The following BCL2L1 variants were observed in gnomAD, a reference collection of about 807,000 sequenced individuals.
BCL2L1 encodes BCL2 like 1, also known as bcl-2-like protein 1.
A neutral mutation model predicts 18.7 loss-of-function variants in BCL2L1; 1 was observed. The observed-to-expected ratio is 0.05, with a 90% CI of 0.02 to 0.25. The LOEUF (loss-of-function observed/expected upper bound fraction) is 0.25. Ranked by LOEUF, BCL2L1 falls within the 10% of genes least tolerant of loss-of-function variation. BCL2L1 has a pLI of 1.00. For missense variants in BCL2L1, 207 were observed against 304.9 expected (o/e 0.68, Z 2.39); for synonymous variants, 103 against 122.7 (o/e 0.84, Z 1.06).
rs142039052 is a variant in BCL2L1 at position 31,700,652 on chromosome 20, C to G, written c.564+21003G>C. On this transcript the variant is annotated intron_variant, in intron 2 of 2. Coordinates refer to ENST00000307677, the MANE Select transcript of BCL2L1 (RefSeq NM_138578.3). ...TGGGAGCTACAGCCCCTCTTTTCTC[C>G]GCTTTGTGGTAAGGCTCGGTGTAAA... Among the ~76,000 whole-genome samples the G allele has an allele frequency of 8.8e-3, 1,333 of 152,330 alleles. 9 individuals are homozygous for G. The highest frequency in any genetic ancestry group is 0.017 in the Admixed American group (255 of 15,304).
intron 2 of BCL2L1, among the ~76,000 whole-genome samples, chr20:31,690,906 T>C (rs2061056168): frequency 6.6e-6 from 1 of 152,018 alleles, no homozygotes; most frequent in African/African-American, 2.4e-5. Flanking sequence ...CCCAGCACTT[T>C]GGGAGGCCGA....
intron 2 of BCL2L1, among the ~76,000 whole-genome samples, chr20:31,700,050 T>C (rs2061249755): frequency 6.6e-6 from 1 of 152,240 alleles, no homozygotes; most frequent in Non-Finnish European, 1.5e-5. Context: ...TTTCATTTTC[T>C]GTACAGCATT....
chr20:31,720,813 G>T (rs1234647124), intron 2 of BCL2L1: 1 of 985,282 alleles, frequency 1.0e-6, no homozygotes, highest in Non-Finnish European at 1.2e-6. Context: ...GTCCCACAGA[G>T]CCCCAAAGAC....
chr20:31,718,323 T>C (rs2061571222), intron 2 of BCL2L1, among the ~76,000 whole-genome samples: 1 of 152,180 alleles, frequency 6.6e-6, no homozygotes, highest in African/African-American at 2.4e-5. Context: ...CACACCACTG[T>C]CATCTATTGG....
At chr20:31,702,505 C>T (rs1360060848) in intron 2 of BCL2L1, among the ~76,000 whole-genome samples, 2 of 151,794 alleles carry the variant, frequency 1.3e-5, no homozygotes, top group Non-Finnish European at 2.9e-5. Context: ...ATGGCAGGTG[C>T]CTTTATTTTT....
intron 2 of BCL2L1, among the ~76,000 whole-genome samples, chr20:31,681,492 T>C (rs1341319002): frequency 6.6e-6 from 1 of 151,998 alleles, no homozygotes; most frequent in Non-Finnish European, 1.5e-5. Context: ...TACAAAAAAA[T>C]GACACAAAGT....
intron 2 of BCL2L1, among the ~76,000 whole-genome samples, chr20:31,704,094 G>A (rs566597729): frequency 1.5e-4 from 20 of 135,530 alleles, no homozygotes; most frequent in Middle Eastern, 4.7e-3. Context: ...CACTGCACCC[G>A]GCCCTAAACC....
At chr20:31,721,312 A>G (rs965496714) in intron 2 of BCL2L1, among the ~76,000 whole-genome samples, 1 of 152,202 alleles carries the variant, frequency 6.6e-6, no homozygotes, top group Non-Finnish European at 1.5e-5. Flanking sequence ...GAACCATTGT[A>G]TAAGGTAAGG....
chr20:31,682,682 T>C (rs1282357475), intron 2 of BCL2L1, among the ~76,000 whole-genome samples: 1 of 152,204 alleles, frequency 6.6e-6, no homozygotes, highest in East Asian at 1.9e-4. Flanking sequence ...CCTGAACTAC[T>C]GAGCTCAAGC....
chr20:31,668,534 T>C (rs945473354), intron 2 of BCL2L1, among the ~76,000 whole-genome samples: 8 of 151,836 alleles, frequency 5.3e-5, no homozygotes. Context: ...CTCAAACTCC[T>C]GACCTCAAGT....
At position 31,722,242 on chromosome 20, in the gene BCL2L1, CCAGTCCATTGTCCAAA is replaced by C; in HGVS notation, c.-40_-25del. The C allele has an allele frequency of 6.8e-7, 1 of 1,468,734 alleles. No individual in the cohort carries two copies. Among genetic ancestry groups the C allele is most frequent in the Non-Finnish European group, 9.0e-7 (1 of 1,109,698 alleles). The allele number at this position is 1,468,734 out of a possible 1,614,324, so 91.0% of individuals were successfully genotyped here. A position where few individuals can be genotyped will look rare whatever the true frequency, so the allele number is the denominator to read the frequency against. On this transcript the variant is annotated 5_prime_UTR_variant, in exon 2 of 3. The change abolishes an upstream ATG in the 5' untranslated region. Coordinates refer to ENST00000307677, the MANE Select transcript of BCL2L1 (RefSeq NM_138578.3). ...ATTTTTATAATAGGGATGGGCTCAA[CCAGTCCATTGTCCAAA>C]ACACCTGCTCACTCACTGAGTCTCG...
intron 2 of BCL2L1, among the ~76,000 whole-genome samples, chr20:31,692,077 C>T (rs2061084549): frequency 6.6e-6 from 1 of 152,216 alleles, no homozygotes; most frequent in South Asian, 2.1e-4. Flanking sequence ...GCAGCATCAG[C>T]TGAGAAGTTG....
chr20:31,671,280 G>A (rs1176159824), intron 2 of BCL2L1, among the ~76,000 whole-genome samples: 1 of 151,976 alleles, frequency 6.6e-6, no homozygotes, highest in Non-Finnish European at 1.5e-5. Flanking sequence ...AGAAAACTGG[G>A]TCTCCTGACT....
rs1464323762 is a variant in BCL2L1, at chr20:31,664,700, C to T, written c.*1249G>A. 1 of 216,028 alleles carries T rather than the reference C, an allele frequency of 4.6e-6. No individual in the cohort carries two copies. Among genetic ancestry groups the T allele is most frequent in the Admixed American group, 5.8e-5 (1 of 17,154 alleles). The allele number at this position is 216,028 out of a possible 1,614,324, so 13.4% of individuals were successfully genotyped here. On this transcript the variant is annotated 3_prime_UTR_variant, in exon 3 of 3. Coordinates refer to ENST00000307677, the MANE Select transcript of BCL2L1 (RefSeq NM_138578.3). ...GCCAGCAGCTCCTCACACATAAATA[C>T]AGACACGCTTAACAAAAATAGTATA...
intron 2 of BCL2L1, among the ~76,000 whole-genome samples, chr20:31,669,978 C>T (rs990007334): frequency 6.6e-6 from 1 of 152,180 alleles, no homozygotes; most frequent in African/African-American, 2.4e-5. Context: ...ACTCAGCAAA[C>T]AGATAGCAGA....
intron 2 of BCL2L1, among the ~76,000 whole-genome samples, chr20:31,703,800 GTT>G (rs1200728150): frequency 8.6e-5 from 10 of 116,242 alleles, no homozygotes; most frequent in African/African-American, 9.3e-5. Context: ...CCCTGAACTT[GTT>G]TTTTTTTTTT....
chr20:31,675,383 A>C (rs1397189160), intron 2 of BCL2L1, among the ~76,000 whole-genome samples: 5 of 152,146 alleles, frequency 3.3e-5, no homozygotes, highest in Non-Finnish European at 7.4e-5. Context: ...AGGCTGATAA[A>C]TGTGTGCTGA....
chr20:31,702,021 C>T (rs6088997), intron 2 of BCL2L1, among the ~76,000 whole-genome samples: 63,321 of 151,992 alleles, frequency 0.42, 17,062 homozygotes, highest in African/African-American at 0.76. Context: ...CAGGTAGAGG[C>T]TGTTGCTATG....
At chr20:31,693,883 T>A (rs374255906) in intron 2 of BCL2L1, among the ~76,000 whole-genome samples, 1 of 152,200 alleles carries the variant, frequency 6.6e-6, no homozygotes, top group Non-Finnish European at 1.5e-5. Context: ...TTACAAGTGA[T>A]GATTTTCCTA....
Sources: allele counts gnomAD v4.1 joint callset (sites outside exome capture counted in the v4.1 genomes callset), GRCh38; gene constraint gnomAD v4.1.1; transcripts MANE v1.5; gene names NCBI Gene and HGNC (gene_info 2026-07-23, HGNC 2026-07-21).